The following TFB1M variants were observed in gnomAD, a reference collection of about 807,000 sequenced individuals.
TFB1M encodes the protein dimethyladenosine transferase 1, mitochondrial.
In TFB1M, 27 loss-of-function variants were observed where a neutral mutation model predicts 31.1. That is an observed-to-expected ratio of 0.87 (90% CI 0.64 to 1.20). The LOEUF is 1.20. TFB1M is among the 50% of genes most tolerant of loss of function. TFB1M has a pLI of 0.00. For synonymous variants in TFB1M, 166 were observed against 151.8 expected (o/e 1.09, Z -0.69); for missense variants, 394 against 418.7 (o/e 0.94, Z 0.51).
At chr6:155,241,463 C>T in the TFB1M span, among the ~76,000 whole-genome samples, 64,309 of 151,872 alleles carry the variant, frequency 0.42, 14,696 homozygotes, top group Middle Eastern at 0.56. Flanking sequence ...GTGGATGGCC[C>T]CCTTCAACTC....
chr6:155,258,159 T>C, intron 6 of TFB1M, 77 bp from the exon 7 acceptor site: 2 of 1,551,270 alleles, frequency 1.3e-6, no homozygotes, highest in East Asian at 2.2e-5. Context: ...TTAACCCTCA[T>C]TTGAAAACAA....
intron 2 of TFB1M, among the ~76,000 whole-genome samples, chr6:155,310,202 G>A (rs1273575155): frequency 6.6e-6 from 1 of 152,048 alleles, no homozygotes; most frequent in African/African-American, 2.4e-5. Context: ...AAGTAATAAC[G>A]TAGATAACTA....
intron 5 of TFB1M, among the ~76,000 whole-genome samples, chr6:155,267,063 C>T (rs1248192847): frequency 4.0e-5 from 6 of 150,878 alleles, no homozygotes; most frequent in Non-Finnish European, 5.9e-5. Context: ...CAACCTCCAC[C>T]TCCTGGGTTC....
At chr6:155,312,049 C>T (rs1423392117) in intron 1 of TFB1M, among the ~76,000 whole-genome samples, 4 of 152,070 alleles carry the variant, frequency 2.6e-5, no homozygotes, top group Admixed American at 6.5e-5. Context: ...CTCTGTGCAA[C>T]CAGTCATCAC....
intron 5 of TFB1M, among the ~76,000 whole-genome samples, chr6:155,276,812 T>G (rs1000377841): frequency 6.6e-6 from 1 of 152,236 alleles, no homozygotes; most frequent in Non-Finnish European, 1.5e-5. Flanking sequence ...GCTTCTGTTT[T>G]AAAGCTACAG....
At chr6:155,254,411 C>T (rs148014772), downstream of TFB1M, 29 of 1,610,178 alleles carry the variant, frequency 1.8e-5, no homozygotes, top group African/African-American at 4.0e-5. Context: ...CTCTCCCCCC[C>T]CACCCAGTGA....
the TFB1M span, chr6:155,245,564 T>C: frequency 7.1e-7 from 1 of 1,412,528 alleles, no homozygotes; most frequent in African/African-American, 1.4e-5. Context: ...TCAAATGCCA[T>C]AAGCCAGCAC....
At chr6:155,250,577 C>T in the TFB1M span, 3 of 1,535,968 alleles carry the variant, frequency 2.0e-6, no homozygotes, top group East Asian at 2.4e-5. Flanking sequence ...TGTACTAGAT[C>T]CCAGGGGAAA....
At chr6:155,239,365 G>A in the TFB1M span, among the ~76,000 whole-genome samples, 2 of 152,202 alleles carry the variant, frequency 1.3e-5, no homozygotes, top group African/African-American at 4.8e-5. Flanking sequence ...TGGCCAGTGA[G>A]CTGGCTGCTG....
At chr6:155,251,036 CAGA>C in the TFB1M span, 3 of 1,603,234 alleles carry the variant, frequency 1.9e-6, no homozygotes, top group Non-Finnish European at 1.7e-6. Flanking sequence ...GTATTCCATT[CAGA>C]AGAATGCAGA....
In TFB1M at chr6:155,256,294, G is replaced by A; in HGVS notation, c.*1542C>T. ...ATGCTGAATTGCCTAACTTACAACT[G>A]TAAACCTAAGTCAAAAATGTCCATG... On this transcript the variant is annotated 3_prime_UTR_variant, in exon 7 of 7. Transcript: ENST00000367166. The A allele has an allele frequency of 2.5e-6, 2 of 805,516 alleles. No individual in the cohort carries two copies. The highest frequency in any genetic ancestry group is 3.8e-6 in the Non-Finnish European group (2 of 520,210). The allele number at this position is 805,516 out of a possible 1,614,324, so 49.9% of individuals were successfully genotyped here.
At chr6:155,301,878 C>A (rs1228633799) in intron 2 of TFB1M, among the ~76,000 whole-genome samples, 1 of 152,068 alleles carries the variant, frequency 6.6e-6, no homozygotes, top group Non-Finnish European at 1.5e-5. Flanking sequence ...ACCAAGACTC[C>A]AAGAGATAAT....
At chr6:155,263,090 C>T (rs2114672027) in intron 5 of TFB1M, among the ~76,000 whole-genome samples, 1 of 152,296 alleles carries the variant, frequency 6.6e-6, no homozygotes, top group Middle Eastern at 3.4e-3. Flanking sequence ...CGGCCAGGAC[C>T]TCTCCTGTAC....
chr6:155,279,833 C>A (rs962044508), intron 5 of TFB1M, among the ~76,000 whole-genome samples: 2 of 152,050 alleles, frequency 1.3e-5, no homozygotes, highest in Non-Finnish European at 1.5e-5. Context: ...TGGAAGCATG[C>A]CTAGTACTGA....
downstream of TFB1M, chr6:155,254,506 A>G (rs778301855): frequency 5.0e-6 from 8 of 1,614,162 alleles, no homozygotes; most frequent in Non-Finnish European, 6.8e-6. Flanking sequence ...GTGAATTACC[A>G]CTGGAGAAAA....
chr6:155,246,113 A>G, the TFB1M span, among the ~76,000 whole-genome samples: 1 of 151,560 alleles, frequency 6.6e-6, no homozygotes, highest in Non-Finnish European at 1.5e-5. Flanking sequence ...CTGAGGAGCC[A>G]CAACAGCCTA....
the TFB1M span, among the ~76,000 whole-genome samples, chr6:155,238,314 A>T: frequency 6.6e-6 from 1 of 152,202 alleles, no homozygotes; most frequent in Admixed American, 6.5e-5. Context: ...CATCTTTGTC[A>T]AACCCATTCA....
At chr6:155,245,613 G>C in the TFB1M span, 1 of 1,608,210 alleles carries the variant, frequency 6.2e-7, no homozygotes, top group East Asian at 2.2e-5. Context: ...TTTCCCCTCT[G>C]CCCTTCTAGA....
intron 1 of TFB1M, among the ~76,000 whole-genome samples, chr6:155,312,236 C>A (rs572610418): frequency 1.3e-5 from 2 of 152,118 alleles, no homozygotes; most frequent in Non-Finnish European, 2.9e-5. Context: ...AGCTAAAATG[C>A]GGAAACTAGT....
Sources: gnomAD v4.1 joint callset for allele counts (sites outside exome capture counted in the v4.1 genomes callset) on GRCh38, gnomAD v4.1.1 for gene constraint, MANE v1.5 for transcripts, NCBI Gene and HGNC (gene_info 2026-07-23, HGNC 2026-07-21) for gene names.